COMMD10: variants seen among roughly 807,000 people sequenced by gnomAD.
The protein encoded by COMMD10 is COMM domain containing 10, also known as COMM domain-containing protein 10.
A neutral mutation model predicts 28.9 loss-of-function variants in COMMD10; 33 were observed. That is an observed-to-expected ratio of 1.14 (90% CI 0.87 to 1.53). The LOEUF is 1.53. COMMD10 is among the 40% of genes most tolerant of loss of function. The pLI, the probability that COMMD10 is intolerant of heterozygous loss-of-function variation, is 0.00. For missense variants in COMMD10, 310 were observed against 233.4 expected (o/e 1.33, Z -2.14); for synonymous variants, 110 against 81.7 (o/e 1.35, Z -1.87).
intron 5 of COMMD10, among the ~76,000 whole-genome samples, chr5:116,145,285 A>G (rs1191271711): frequency 1.3e-5 from 2 of 151,854 alleles, no homozygotes; most frequent in South Asian, 2.1e-4. Context: ...ATTTGTGATC[A>G]CGACTTTGAG....
chr5:116,119,287 G>A (rs1453402380), intron 4 of COMMD10, among the ~76,000 whole-genome samples: 4 of 152,152 alleles, frequency 2.6e-5, no homozygotes, highest in Non-Finnish European at 5.9e-5. Flanking sequence ...AAACTTGAGG[G>A]TATTGGTTAG....
intron 5 of COMMD10, among the ~76,000 whole-genome samples, chr5:116,290,775 C>T (rs796089330): frequency 2.0e-5 from 3 of 152,244 alleles, no homozygotes; most frequent in African/African-American, 7.2e-5. Flanking sequence ...CACATTTGAG[C>T]AGTCTTAAGC....
chr5:116,142,406 A>G (rs1166920708), intron 5 of COMMD10, among the ~76,000 whole-genome samples: 2 of 151,798 alleles, frequency 1.3e-5, no homozygotes, highest in Non-Finnish European at 2.9e-5. Flanking sequence ...TTTATGCATT[A>G]TGAATGAATT....
At chr5:116,237,397 CAG>C (rs1466374784) in intron 5 of COMMD10, among the ~76,000 whole-genome samples, 1 of 152,088 alleles carries the variant, frequency 6.6e-6, no homozygotes, top group Non-Finnish European at 1.5e-5. Context: ...TTTATTAAAA[CAG>C]ATGTAACATT....
intron 5 of COMMD10, among the ~76,000 whole-genome samples, chr5:116,154,916 A>C (rs1355290271): frequency 6.6e-6 from 1 of 152,096 alleles, no homozygotes; most frequent in Non-Finnish European, 1.5e-5. Flanking sequence ...GTGCTTTGGG[A>C]AAGTACCACA....
intron 5 of COMMD10, among the ~76,000 whole-genome samples, chr5:116,184,116 T>C (rs11241375): frequency 0.5 from 76,420 of 151,748 alleles, 21,917 homozygotes; most frequent in Non-Finnish European, 0.65. Context: ...AAAGAAGTTT[T>C]ATAGATCTCA....
At chr5:116,244,675 A>G (rs1303976419) in intron 5 of COMMD10, among the ~76,000 whole-genome samples, 10 of 150,936 alleles carry the variant, frequency 6.6e-5, no homozygotes, top group Non-Finnish European at 1.3e-4. Flanking sequence ...AAAAAAAAAA[A>G]AAAGAAAACA....
chr5:116,189,617 G>T (rs568090669), intron 5 of COMMD10, among the ~76,000 whole-genome samples: 4 of 152,168 alleles, frequency 2.6e-5, no homozygotes, highest in African/African-American at 9.6e-5. Flanking sequence ...GGAAAAATTG[G>T]CCTTAATCCC....
intron 5 of COMMD10, among the ~76,000 whole-genome samples, chr5:116,239,056 T>C (rs1749748910): frequency 6.6e-6 from 1 of 152,210 alleles, no homozygotes; most frequent in African/African-American, 2.4e-5. Context: ...AAGAGCTCGA[T>C]GAAGTTCTTA....
chr5:116,107,376 CT>C (rs1750876035), intron 4 of COMMD10, among the ~76,000 whole-genome samples: 1 of 151,666 alleles, frequency 6.6e-6, no homozygotes, highest in Non-Finnish European at 1.5e-5. Flanking sequence ...TTGTTCATTT[CT>C]TTTCACTGTT....
intron 5 of COMMD10, among the ~76,000 whole-genome samples, chr5:116,259,148 T>C (rs1213586111): frequency 7.3e-5 from 11 of 150,172 alleles, no homozygotes; most frequent in African/African-American, 2.7e-4. Context: ...CTGCAACCTC[T>C]GCTTCCTGGG....
intron 5 of COMMD10, among the ~76,000 whole-genome samples, chr5:116,192,759 A>G (rs187883524): frequency 4.1e-4 from 62 of 152,346 alleles, no homozygotes; most frequent in Admixed American, 7.2e-4. Context: ...ATCATCCAGG[A>G]AAACTTCGCC....
chr5:116,110,714 C>T (rs550142902), intron 4 of COMMD10, among the ~76,000 whole-genome samples: 1 of 152,168 alleles, frequency 6.6e-6, no homozygotes, highest in East Asian at 1.9e-4. Flanking sequence ...GATGCTAGCA[C>T]CTGGGGAGGC....
chr5:116,092,451 T>C (rs1750328816), intron 3 of COMMD10, 94 bp from the exon 4 acceptor site: 1 of 873,636 alleles, frequency 1.1e-6, no homozygotes, highest in African/African-American at 1.7e-5. Context: ...TTCTTTTGAC[T>C]TAAGTCATTT....
At chr5:116,129,770 A>G (rs940706302) in intron 4 of COMMD10, among the ~76,000 whole-genome samples, 2 of 96,042 alleles carry the variant, frequency 2.1e-5, no homozygotes, top group African/African-American at 5.6e-5. Flanking sequence ...ATACTATATA[A>G]TATACATTAG....
At chr5:116,140,927 AGTTTGATGTAGTTCTACTT>A (rs1380935215) in intron 5 of COMMD10, among the ~76,000 whole-genome samples, 1 of 151,634 alleles carries the variant, frequency 6.6e-6, no homozygotes, top group South Asian at 2.1e-4. Context: ...AGGAGCTTTT[AGTTTGATGTAGTTCTACTT>A]GTTTATTTTT....
In COMMD10 at chr5:116,091,189, G is replaced by A. The variant is rs761471909; in HGVS notation, c.243G>A (p.Gln81=). 1 of 1,541,796 alleles carries A rather than the reference G, an allele frequency of 6.5e-7. No homozygotes were observed. The highest frequency in any genetic ancestry group is 8.9e-7 in the Non-Finnish European group (1 of 1,120,220). Residue 81 remains glutamine, a splice_region_variant and synonymous_variant, in exon 3 of 7, where the codon CAG becomes CAA. Transcript: ENST00000274458. The part of the protein sequence containing the change: ...VLETISFILE[Q]AVYHNVKPAA... ...AAACAATATCATTTATTTTAGAACAGGTATTTTTATTGCATCAAATTTTCT... is the reference window on the plus strand; with the variant it reads ...AAACAATATCATTTATTTTAGAACAAGTATTTTTATTGCATCAAATTTTCT...
At chr5:116,132,083 C>G (rs1027516887) in intron 4 of COMMD10, among the ~76,000 whole-genome samples, 1 of 151,710 alleles carries the variant, frequency 6.6e-6, no homozygotes, top group African/African-American at 2.4e-5. Context: ...CTATAGGAGG[C>G]AGGTAGCCCA....
intron 5 of COMMD10, among the ~76,000 whole-genome samples, chr5:116,260,632 TTATAG>T (rs1750418552): frequency 6.6e-6 from 1 of 151,816 alleles, no homozygotes; most frequent in Non-Finnish European, 1.5e-5. Flanking sequence ...GTATTAGGTG[TTATAG>T]TAATGGTCAT....
Sources: gnomAD v4.1 joint callset for allele counts (sites outside exome capture counted in the v4.1 genomes callset) on GRCh38, gnomAD v4.1.1 for gene constraint, MANE v1.5 for transcripts, NCBI Gene and HGNC (gene_info 2026-07-23, HGNC 2026-07-21) for gene names.